Variants in TMEM108 observed in about 807,000 individuals in gnomAD.
TMEM108 encodes transmembrane protein 108.
Under a neutral mutation model 35.1 loss-of-function variants are expected in TMEM108, and 12 were observed. The ratio of observed to expected loss-of-function variants is 0.34; its 90% CI spans 0.22 to 0.55. The LOEUF is 0.55. Ranked by LOEUF, TMEM108 falls within the 20% of genes least tolerant of loss-of-function variation. The pLI is 0.89. For missense variants in TMEM108, 680 were observed against 753.3 expected (o/e 0.90, Z 1.14); for synonymous variants, 287 against 308.6 (o/e 0.93, Z 0.73).
At chr3:133,352,917 G>A (rs1485538957) in intron 3 of TMEM108, among the ~76,000 whole-genome samples, 1 of 152,122 alleles carries the variant, frequency 6.6e-6, no homozygotes, top group African/African-American at 2.4e-5. Flanking sequence ...GAGGTCAGGG[G>A]TTCCGGCTGA....
At chr3:133,341,725 T>C (rs1315711382) in intron 3 of TMEM108, among the ~76,000 whole-genome samples, 6 of 151,472 alleles carry the variant, frequency 4.0e-5, no homozygotes, top group African/African-American at 1.2e-4. Flanking sequence ...TGGAGAAAAA[T>C]CCATGCATCT....
At chr3:133,291,490 CT>C (rs1947068240) in intron 3 of TMEM108, among the ~76,000 whole-genome samples, 1 of 152,058 alleles carries the variant, frequency 6.6e-6, no homozygotes, top group Non-Finnish European at 1.5e-5. Context: ...GTTGTCCAGG[CT>C]GGTCTCAAAC....
chr3:133,387,615 C>T, intron 4 of TMEM108: 1 of 889,156 alleles, frequency 1.1e-6, no homozygotes, highest in Non-Finnish European at 1.3e-6. Flanking sequence ...GCAAGTTCAC[C>T]TCTCTAGGTT....
chr3:133,220,739 G>T (rs1945977544), intron 2 of TMEM108, among the ~76,000 whole-genome samples: 1 of 152,084 alleles, frequency 6.6e-6, no homozygotes, highest in African/African-American at 2.4e-5. Flanking sequence ...CTGGAGGTAG[G>T]ATTGGATCCT....
At chr3:133,063,737 A>G (rs953891414) in intron 2 of TMEM108, among the ~76,000 whole-genome samples, 5 of 152,268 alleles carry the variant, frequency 3.3e-5, no homozygotes, top group Admixed American at 1.3e-4. Context: ...AATGGGAGAA[A>G]GGACAGCACC....
chr3:133,311,539 C>T (rs1050309173), intron 3 of TMEM108, among the ~76,000 whole-genome samples: 1 of 152,158 alleles, frequency 6.6e-6, no homozygotes, highest in African/African-American at 2.4e-5. Flanking sequence ...ACAAAGTTCT[C>T]GTGCCATGGT....
In TMEM108 at chr3:133,348,116, A is replaced by AG. The variant is rs908333050; in HGVS notation, c.41-31628dup. On this transcript the variant is annotated intron_variant, in intron 3 of 5. Transcript: ENST00000321871. ...ATATTTTTGAAAAACAAGAGTAATG[A>AG]GGGGGGGGCCAGATTTGCTTTACCA... 5.1e-3 allele frequency among the ~76,000 whole-genome samples: 763 copies of AG among 148,534 alleles called. 8 individuals are homozygous for AG. The highest frequency in any genetic ancestry group is 0.014 in the Middle Eastern group (4 of 294).
At chr3:133,375,948 G>C (rs988435967) in intron 3 of TMEM108, among the ~76,000 whole-genome samples, 2 of 152,100 alleles carry the variant, frequency 1.3e-5, no homozygotes, top group African/African-American at 4.8e-5. Context: ...AAAATCCCTT[G>C]GCACCCACGG....
At chr3:133,378,225 A>C in intron 3 of TMEM108, 1 of 522,122 alleles carries the variant, frequency 1.9e-6, no homozygotes, top group Non-Finnish European at 2.5e-6. Context: ...CCAATTTAGA[A>C]GTGCAGGGTG....
At chr3:133,135,007 CAA>C (rs958772213) in intron 2 of TMEM108, among the ~76,000 whole-genome samples, 2 of 152,142 alleles carry the variant, frequency 1.3e-5, no homozygotes, top group African/African-American at 4.8e-5. Context: ...CTCCAAAATT[CAA>C]AGACATATCT....
chr3:133,302,710 G>T (rs912808567), intron 3 of TMEM108, among the ~76,000 whole-genome samples: 1 of 151,980 alleles, frequency 6.6e-6, no homozygotes, highest in Admixed American at 6.5e-5. Context: ...GTGAGCCACC[G>T]CCCCCGGCCA....
chr3:133,290,808 G>T (rs1947052712), intron 3 of TMEM108, among the ~76,000 whole-genome samples: 2 of 152,084 alleles, frequency 1.3e-5, no homozygotes, highest in African/African-American at 4.8e-5. Flanking sequence ...ACTTTTTCCA[G>T]TGGAACCTGA....
intron 3 of TMEM108, among the ~76,000 whole-genome samples, chr3:133,319,420 A>G (rs912723563): frequency 2.0e-5 from 3 of 152,206 alleles, no homozygotes; most frequent in Non-Finnish European, 4.4e-5. Flanking sequence ...CTGTAGGCCA[A>G]CCAACTCAGG....
intron 2 of TMEM108, among the ~76,000 whole-genome samples, chr3:133,163,777 G>A (rs531546203): frequency 6.6e-6 from 1 of 152,248 alleles, no homozygotes; most frequent in South Asian, 2.1e-4. Context: ...TGAGTCTTCT[G>A]ATAATTTTGC....
intron 2 of TMEM108, among the ~76,000 whole-genome samples, chr3:133,100,421 G>A (rs1944072526): frequency 6.6e-6 from 1 of 152,132 alleles, no homozygotes; most frequent in African/African-American, 2.4e-5. Flanking sequence ...GCAATATGGT[G>A]AAACGCTGTC....
At chr3:133,386,488 G>C (rs1299102208) in intron 4 of TMEM108, 1 of 1,535,796 alleles carries the variant, frequency 6.5e-7, no homozygotes, top group Non-Finnish European at 8.7e-7. Flanking sequence ...GGCTCCATCT[G>C]AAAATGGAGT....
chr3:133,103,157 C>T (rs576612146), intron 2 of TMEM108, among the ~76,000 whole-genome samples: 39 of 152,250 alleles, frequency 2.6e-4, no homozygotes, highest in Middle Eastern at 3.4e-3. Context: ...AAGCACTATT[C>T]ACAATAGCAA....
rs572413975 is a variant in TMEM108 at position 133,066,511 on chromosome 3, A to G, written c.-47+20491A>G. On this transcript the variant is annotated intron_variant, in intron 2 of 5. Coordinates refer to ENST00000321871, the MANE Select transcript of TMEM108 (RefSeq NM_023943.4). Reference sequence around the variant, plus strand: ...TTGCTGGCTTTTAGGGCCGATATTCATGCTTTTGCATGGACACATATATGA... The same window carrying G: ...TTGCTGGCTTTTAGGGCCGATATTCGTGCTTTTGCATGGACACATATATGA... Among the ~76,000 whole-genome samples the G allele has an allele frequency of 2.6e-5, 4 of 152,270 alleles. No individual in the cohort carries two copies. The East Asian group carries it at 5.8e-4, about 22-fold the overall frequency.
intron 5 of TMEM108, among the ~76,000 whole-genome samples, chr3:133,392,443 G>C (rs375685369): frequency 6.6e-6 from 1 of 152,132 alleles, no homozygotes; most frequent in Non-Finnish European, 1.5e-5. Context: ...GATTATAGGC[G>C]TGAGCCACTG....
Sources: gnomAD v4.1 joint callset for allele counts (sites outside exome capture counted in the v4.1 genomes callset) on GRCh38, gnomAD v4.1.1 for gene constraint, MANE v1.5 for transcripts, NCBI Gene and HGNC (gene_info 2026-07-23, HGNC 2026-07-21) for gene names.